TET2: variants seen among roughly 807,000 people sequenced by gnomAD.
The protein encoded by TET2 is methylcytosine dioxygenase TET2.
Under a neutral mutation model 142.9 loss-of-function variants are expected in TET2, and 299 were observed. That is an observed-to-expected ratio of 2.09 (90% CI 1.90 to 2.30). The LOEUF (loss-of-function observed/expected upper bound fraction) is 2.30. Ranked by LOEUF, TET2 falls within the 30% of genes most tolerant of loss-of-function variation. The pLI is 0.00. For synonymous variants in TET2, 819 were observed against 849.0 expected (o/e 0.96, Z 0.61); for missense variants, 2,418 against 2,378.0 (o/e 1.02, Z -0.35).
chr4:105,201,791 C>T (rs1004409168), intron 2 of TET2, among the ~76,000 whole-genome samples: 4 of 122,156 alleles, frequency 3.3e-5, no homozygotes, highest in South Asian at 2.8e-4. Flanking sequence ...GCCCAGACTG[C>T]GGTGCAGTGG....
intron 5 of TET2, 39 bp from the exon 6 acceptor site, chr4:105,243,531 G>A (rs1729416555): frequency 2.0e-6 from 3 of 1,536,776 alleles, no homozygotes; most frequent in Non-Finnish European, 1.8e-6. Flanking sequence ...GTTTTGGTTG[G>A]GGTGGGGGGT....
chr4:105,165,414 T>G (rs1378270363), intron 1 of TET2, among the ~76,000 whole-genome samples: 1 of 152,156 alleles, frequency 6.6e-6, no homozygotes, highest in Non-Finnish European at 1.5e-5. Flanking sequence ...CTTGGTGTGC[T>G]AATCAGGAGC....
chr4:105,262,364 CAT>C (rs1491564253), intron 8 of TET2, among the ~76,000 whole-genome samples: 7 of 142,310 alleles, frequency 4.9e-5, no homozygotes, highest in East Asian at 3.9e-4. Flanking sequence ...CAAGCAAAAA[CAT>C]TTTTTTTTTC....
At chr4:105,163,484 G>A (rs1360161151) in intron 1 of TET2, among the ~76,000 whole-genome samples, 4 of 152,136 alleles carry the variant, frequency 2.6e-5, no homozygotes, top group Non-Finnish European at 5.9e-5. Flanking sequence ...GCCTCAAATA[G>A]CGTAACAAGC....
chr4:105,236,471 G>C lies in TET2; in HGVS notation c.2529G>C (p.Glu843Asp), dbSNP rs1286177642. ...SCSNNTHLVS[E>D]NKEQTTHPEL... ...CAAACAATACACACCTAGTTTCAGA[G>C]AATAAAGAACAGACTACACATCCTG... The change falls in exon 3 of 11, where the codon GAG becomes GAC. Residue 843 changes from glutamate to aspartate, a missense_variant. By Grantham distance (45) the Glu-to-Asp change is conservative. Coordinates refer to ENST00000380013, the MANE Select transcript of TET2 (RefSeq NM_001127208.3). The C allele has an allele frequency of 6.2e-7, 1 of 1,613,916 alleles. No individual in the cohort carries two copies. The highest frequency in any genetic ancestry group is 8.5e-7 in the Non-Finnish European group (1 of 1,180,006).
chr4:105,236,687 T>C lies in TET2; in HGVS notation c.2745T>C (p.Ala915=). ...DMSGQQAAQL[A]QQRYLIHNHA... ...CTGGTCAACAAGCTGCGCAACTTGC[T>C]CAGCAAAGGTACTTGATACATAACC... is the stretch of plus-strand genomic sequence containing the variant. Residue 915 remains alanine, a synonymous_variant, in exon 3 of 11, where the codon GCT becomes GCC. Transcript: ENST00000380013. 1 of 1,614,098 alleles carries C rather than the reference T, an allele frequency of 6.2e-7. No individual in the cohort carries two copies. Among genetic ancestry groups the C allele is most frequent in the Non-Finnish European group, 8.5e-7 (1 of 1,180,008 alleles).
chr4:105,199,929 T>A (rs947642799), intron 2 of TET2, among the ~76,000 whole-genome samples: 4 of 152,318 alleles, frequency 2.6e-5, no homozygotes, highest in South Asian at 2.1e-4. Flanking sequence ...AGTTTTTTTT[T>A]ATCCAGTCTA....
chr4:105,165,881 T>TAA (rs1392782575), intron 1 of TET2, among the ~76,000 whole-genome samples: 1 of 152,200 alleles, frequency 6.6e-6, no homozygotes, highest in East Asian at 1.9e-4. Flanking sequence ...TGCATTGCTT[T>TAA]AAAAAATTGT....
rs1356919272 is a variant in TET2, at chr4:105,241,428, A to G, written c.3499A>G (p.Arg1167Gly). The change falls in exon 4 of 11, where the codon AGG (arginine) becomes GGG (glycine). Residue 1167 changes from arginine (R) to glycine (G), a missense_variant and splice_region_variant. Transcript: ENST00000380013. ...VAAIREIMEE[R>G]FGQKGKAIRI... ...AGCTATTAGAGAAATCATGGAAGAA[A>G]GGTAATTAACGCAAAGGCACAGGGC... The G allele has an allele frequency of 2.6e-6, 4 of 1,549,660 alleles. No homozygotes were observed. Among genetic ancestry groups the G allele is most frequent in the Admixed American group, 2.0e-5 (1 of 50,368 alleles).
chr4:105,191,080 T>G (rs1578589805), intron 2 of TET2, among the ~76,000 whole-genome samples: 1 of 152,074 alleles, frequency 6.6e-6, no homozygotes, highest in Admixed American at 6.6e-5. Flanking sequence ...AGAGACAGAG[T>G]CTGGCTATGT....
chr4:105,166,387 CTTG>C (rs1008234338), intron 1 of TET2, among the ~76,000 whole-genome samples: 1 of 151,724 alleles, frequency 6.6e-6, no homozygotes, highest in African/African-American at 2.4e-5. Flanking sequence ...TTTTTTTATT[CTTG>C]TTGACAGAAG....
chr4:105,158,032 A>C (rs1723653954), intron 1 of TET2, among the ~76,000 whole-genome samples: 2 of 152,214 alleles, frequency 1.3e-5, no homozygotes, highest in Non-Finnish European at 2.9e-5. Context: ...CTGTTAAAAA[A>C]TGTGGTTCTT....
intron 3 of TET2, chr4:105,240,448 G>A: frequency 9.3e-7 from 1 of 1,075,496 alleles, no homozygotes. Flanking sequence ...TTATAGCTAT[G>A]CAGCATAGAT....
intron 2 of TET2, among the ~76,000 whole-genome samples, chr4:105,194,556 T>G (rs2110492257): frequency 6.6e-6 from 1 of 152,294 alleles, no homozygotes; most frequent in South Asian, 2.1e-4. Flanking sequence ...AAGCCAATAC[T>G]TAGACTTTAA....
At position 105,201,335 on chromosome 4, in the gene TET2, A is replaced by G. The variant is rs1726451364; in HGVS notation, c.-47+10830A>G. ...TTTTCTATTGGAGTGGTTCACGCTTATATATTTTAGTTGCTCTAATGCAAG... is the reference window on the plus strand; with the variant it reads ...TTTTCTATTGGAGTGGTTCACGCTTGTATATTTTAGTTGCTCTAATGCAAG... On this transcript the variant is annotated intron_variant, in intron 2 of 10. Transcript: ENST00000380013. 2.0e-5 allele frequency among the ~76,000 whole-genome samples: 3 copies of G among 152,190 alleles called. 1 individual carries two copies. In the South Asian group the frequency reaches 6.2e-4, roughly 31 times the overall value.
chr4:105,274,387 A>G (rs1388831442), intron 10 of TET2, among the ~76,000 whole-genome samples: 1 of 152,226 alleles, frequency 6.6e-6, no homozygotes, highest in Non-Finnish European at 1.5e-5. Flanking sequence ...GCCTGCTTAT[A>G]AAGTAGCACT....
chr4:105,171,261 A>G (rs754170250), intron 1 of TET2: 1 of 152,124 alleles, frequency 6.6e-6, no homozygotes, highest in Non-Finnish European at 1.5e-5. Context: ...TATCTAGTGG[A>G]TGTAGACCAA....
chr4:105,183,028 C>T (rs1725212100), intron 1 of TET2, among the ~76,000 whole-genome samples: 1 of 151,984 alleles, frequency 6.6e-6, no homozygotes, highest in Non-Finnish European at 1.5e-5. Flanking sequence ...ACTTATCCCC[C>T]CAAAATACGA....
chr4:105,185,172 T>G lies in TET2; in HGVS notation c.-192-5188T>G, dbSNP rs534904936. 5.4e-4 allele frequency among the ~76,000 whole-genome samples: 82 copies of G among 150,994 alleles called. No homozygotes were observed. In the East Asian group the frequency reaches 0.013, roughly 24 times the overall value. On this transcript the variant is annotated intron_variant, in intron 1 of 10. Coordinates refer to ENST00000380013, the MANE Select transcript of TET2 (RefSeq NM_001127208.3). The stretch of plus-strand genomic sequence containing the variant: ...AGTGACTGGTTTTTAGAGAAGAGGT[T>G]TTTTTTTTTCCTTCATTTTTGAACG...
Sources: gnomAD v4.1 joint callset for allele counts (sites outside exome capture counted in the v4.1 genomes callset) on GRCh38, gnomAD v4.1.1 for gene constraint, MANE v1.5 for transcripts, NCBI Gene and HGNC (gene_info 2026-07-23, HGNC 2026-07-21) for gene names.